The following PNLIP variants were observed in gnomAD, a reference collection of about 807,000 sequenced individuals.
PNLIP encodes the protein pancreatic triacylglycerol lipase.
PNLIP carries 49 observed loss-of-function variants against 57.1 expected under a neutral mutation model. The ratio of observed to expected loss-of-function variants is 0.86; its 90% confidence interval spans 0.68 to 1.09. PNLIP has a LOEUF of 1.09. Among genes scored for constraint, PNLIP ranks in the 50% least tolerant of loss-of-function variants. PNLIP has a pLI of 0.00. For synonymous variants in PNLIP, 209 were observed against 200.4 expected, an observed-to-expected ratio of 1.04 and a Z score of -0.36; for missense variants, 503 against 570.2, an observed-to-expected ratio of 0.88 and a Z score of 1.20.
chr10:116,557,265 G>C (rs1334328491), intron 9 of PNLIP, among the ~76,000 whole-genome samples: 1 of 152,134 alleles, frequency 6.6e-6, no homozygotes, highest in Non-Finnish European at 1.5e-5. Flanking sequence ...TTAAAACTTA[G>C]TCTAATTCAA....
chr10:116,559,951 A>G (rs1847295182), intron 10 of PNLIP, among the ~76,000 whole-genome samples: 1 of 152,196 alleles, frequency 6.6e-6, no homozygotes, highest in Admixed American at 6.5e-5. Flanking sequence ...GGCAATGAAA[A>G]GTTGAATTAT....
Position 116,559,283 on chromosome 10 carries a change from C to A in PNLIP, c.1060C>A (p.Arg354Ser), listed in dbSNP as rs781513188. The A allele has an allele frequency of 2.5e-6, 4 of 1,607,860 alleles. No individual in the cohort carries two copies. Among genetic ancestry groups the A allele is most frequent in the Non-Finnish European group, 3.4e-6 (4 of 1,175,912 alleles). Reference protein sequence around the residue: ...LDTGDASNFARWRYKVSVTLS... With the variant: ...LDTGDASNFASWRYKVSVTLS... ...CACTGGTGATGCCAGTAATTTTGCA[C>A]GTAAGTTTCTGTTTTCTGTATCTTA... Residue 354 changes from arginine (R) to serine (S), a missense_variant and splice_region_variant, in exon 10 of 13, where the codon CGT becomes AGT. Arg to Ser is a moderately radical substitution (Grantham distance 110, BLOSUM62 -1). Transcript: ENST00000369221.
At chr10:116,552,561 A>C (rs1034745814) in intron 5 of PNLIP, among the ~76,000 whole-genome samples, 6 of 152,222 alleles carry the variant, frequency 3.9e-5, no homozygotes, top group African/African-American at 1.4e-4. Context: ...TTTAAGCTAA[A>C]GGTTATTACA....
In PNLIP at chr10:116,567,783, C is replaced by T. The variant is rs1251740381; in HGVS notation, c.1383C>T (p.Thr461=). The change falls in exon 13 of 13, where the codon ACC becomes ACT. Residue 461 remains threonine, a synonymous_variant. Transcript: ENST00000369221. Reference sequence around the variant, plus strand: ...CCGTCAGGGAGGAAGTTCTGCTCACCCTCACACCGTGTTAGGAGACTACTG... The same window carrying T: ...CCGTCAGGGAGGAAGTTCTGCTCACTCTCACACCGTGTTAGGAGACTACTG... ...PETVREEVLL[T]LTPC is the part of the protein sequence containing the mutation. 2 of 1,613,266 alleles carry T rather than the reference C, an allele frequency of 1.2e-6. No individual in the cohort carries two copies. Among genetic ancestry groups the T allele is most frequent in the Non-Finnish European group, 1.7e-6 (2 of 1,179,218 alleles).
At chr10:116,546,857 T>A (rs1847130951) in intron 2 of PNLIP, among the ~76,000 whole-genome samples, 1 of 152,226 alleles carries the variant, frequency 6.6e-6, no homozygotes, top group South Asian at 2.1e-4. Context: ...AATGAAGATG[T>A]CCTGCAGTAC....
intron 4 of PNLIP, 45 bp from the exon 5 acceptor site, chr10:116,551,053 A>C: frequency 6.8e-7 from 1 of 1,479,324 alleles, no homozygotes; most frequent in Non-Finnish European, 9.1e-7. Flanking sequence ...AGTAATTAAT[A>C]AAGATCCTGA....
chr10:116,567,674 T>C, intron 12 of PNLIP, 61 bp from the exon 13 acceptor site: 1 of 1,401,824 alleles, frequency 7.1e-7, no homozygotes, highest in Non-Finnish European at 1.0e-6. Flanking sequence ...TTGTCCTCAC[T>C]GTCACACTCC....
intron 10 of PNLIP, 89 bp from the exon 11 acceptor site, chr10:116,560,327 C>A: frequency 1.6e-6 from 1 of 633,138 alleles, no homozygotes; most frequent in Non-Finnish European, 2.8e-6. Context: ...ATAAATTATT[C>A]AAAACGTGGC....
At chr10:116,565,163 T>C (rs900930730) in intron 12 of PNLIP, among the ~76,000 whole-genome samples, 1 of 138,572 alleles carries the variant, frequency 7.2e-6, no homozygotes, top group African/African-American at 2.7e-5. Flanking sequence ...GGCAGGAGAA[T>C]GGCGTGAACC....
intron 2 of PNLIP, among the ~76,000 whole-genome samples, chr10:116,546,575 G>T (rs1262536608): frequency 6.6e-6 from 1 of 152,168 alleles, no homozygotes; most frequent in Non-Finnish European, 1.5e-5. Context: ...AAAATGGGGA[G>T]AGTCGGATTC....
intron 4 of PNLIP, 148 bp downstream of exon 4, chr10:116,548,630 T>C: frequency 1.2e-6 from 1 of 848,092 alleles, no homozygotes; most frequent in Non-Finnish European, 1.8e-6. Context: ...CTAGGGGAGG[T>C]CAAGGAGGTG....
chr10:116,553,895 C>A (rs750186466), intron 6 of PNLIP, 57 bp downstream of exon 6: 2 of 1,063,680 alleles, frequency 1.9e-6, no homozygotes, highest in Non-Finnish European at 2.8e-6. Context: ...TCTCTTGAGG[C>A]CAGCAGTTTG....
intron 9 of PNLIP, among the ~76,000 whole-genome samples, chr10:116,558,020 C>G (rs899233963): frequency 6.6e-6 from 1 of 150,798 alleles, no homozygotes; most frequent in Non-Finnish European, 1.5e-5. Flanking sequence ...TTTGGGAGGC[C>G]GAGGCAGGTG....
chr10:116,555,630 T>C lies in PNLIP; in HGVS notation c.811+123T>C, dbSNP rs925932993. The C allele has an allele frequency of 1.2e-4, 137 of 1,123,834 alleles. 1 individual carries two copies. The African/African-American group carries it at 1.7e-3, about 14-fold the overall frequency. The allele number at this position is 1,123,834 out of a possible 1,614,324, so 69.6% of individuals were successfully genotyped here. On this transcript the variant is annotated intron_variant, in intron 8 of 12. Transcript: ENST00000369221. ...ATTTTACATAACAAAAGACTTTTAA[T>C]TGTATCCATGAGATGTAGGTTTTCA...
rs114308375 is a variant in PNLIP at position 116,546,580 on chromosome 10, G to A, written c.46+442G>A. On this transcript the variant is annotated intron_variant, in intron 2 of 12. Coordinates refer to ENST00000369221, the MANE Select transcript of PNLIP (RefSeq NM_000936.4). ...CTTTGTCTGCAAAATGGGGAGAGTC[G>A]GATTCCCCATCTCCTAGGATTATTG... 2.8e-3 allele frequency among the ~76,000 whole-genome samples: 429 copies of A among 152,124 alleles called. 2 individuals carry two copies. Among genetic ancestry groups the A allele is most frequent in the African/African-American group, 9.7e-3 (404 of 41,500 alleles).
intron 5 of PNLIP, among the ~76,000 whole-genome samples, chr10:116,553,169 G>A (rs887574176): frequency 6.6e-6 from 1 of 152,098 alleles, no homozygotes; most frequent in African/African-American, 2.4e-5. Context: ...GCAATGGCGC[G>A]ATCTCGGCTC....
intron 12 of PNLIP, among the ~76,000 whole-genome samples, chr10:116,563,858 A>G (rs1847338723): frequency 6.6e-6 from 1 of 152,192 alleles, no homozygotes; most frequent in South Asian, 2.1e-4. Context: ...AAACTTTCTG[A>G]AATGAAATAC....
At chr10:116,565,450 T>C (rs984587103) in intron 12 of PNLIP, among the ~76,000 whole-genome samples, 1 of 151,222 alleles carries the variant, frequency 6.6e-6, no homozygotes, top group Non-Finnish European at 1.5e-5. Flanking sequence ...ATTCTGGCTA[T>C]ATAAAATGCA....
chr10:116,555,971 C>T (rs1215751890), intron 8 of PNLIP, 29 bp from the exon 9 acceptor site: 2 of 1,321,062 alleles, frequency 1.5e-6, no homozygotes, highest in South Asian at 1.2e-5. Flanking sequence ...AAAATCTGTC[C>T]TTGATGTGTA....
Sources: gnomAD v4.1 joint callset for allele counts (sites outside exome capture counted in the v4.1 genomes callset) on GRCh38, gnomAD v4.1.1 for gene constraint, MANE v1.5 for transcripts, NCBI Gene and HGNC (gene_info 2026-07-23, HGNC 2026-07-21) for gene names.